Variants in TG observed in about 807,000 individuals in gnomAD.
TG encodes the protein thyroid hormones.
A neutral mutation model predicts 324.7 loss-of-function variants in TG; 270 were observed. That is an observed-to-expected ratio of 0.83 (90% CI 0.75 to 0.92). TG has a LOEUF of 0.92. Among genes scored for constraint, TG ranks in the 40% least tolerant of loss-of-function variants. The pLI is 0.00. For missense variants in TG, 3,591 were observed against 3,456.4 expected (o/e 1.04, Z -0.98); for synonymous variants, 1,401 against 1,327.0 (o/e 1.06, Z -1.21).
Position 132,919,527 on chromosome 8 carries a change from T to C in TG, c.4528+2T>C, listed in dbSNP as rs765709668. The C allele has an allele frequency of 1.9e-6, 3 of 1,613,738 alleles. No individual in the cohort carries two copies. Among genetic ancestry groups the C allele is most frequent in the East Asian group, 2.2e-5 (1 of 44,888 alleles). On this transcript the variant is annotated splice_donor_variant, in intron 21 of 47. Transcript: ENST00000220616. LOFTEE classifies it high-confidence loss of function. Reference sequence around the variant, plus strand: ...CTGGAGCTTTCAGCCAGACTCACTGTAAGTTCTGTGGAGTGCTTCTTTGAA... The same window carrying C: ...CTGGAGCTTTCAGCCAGACTCACTGCAAGTTCTGTGGAGTGCTTCTTTGAA...
At position 133,101,237 on chromosome 8, in the gene TG, A is replaced by C. The variant is rs1367742254; in HGVS notation, c.7572+4864A>C. Among the ~76,000 whole-genome samples the C allele has an allele frequency of 2.0e-5, 3 of 152,234 alleles. No homozygotes were observed. In the South Asian group the frequency reaches 6.2e-4, roughly 31 times the overall value. The stretch of plus-strand genomic sequence containing the variant: ...CCCACACAGAACTGCAAGAGGGCAC[A>C]GTGGACAACCAAGTGGAAACTGAGT... On this transcript the variant is annotated intron_variant, in intron 43 of 47. Transcript: ENST00000220616.
intron 39 of TG, 33 bp downstream of exon 39, chr8:133,019,728 G>T (rs1451453099): frequency 6.4e-7 from 1 of 1,572,196 alleles, no homozygotes; most frequent in Admixed American, 1.7e-5. Context: ...TGGTTGCCCT[G>T]AAGACTGTCC....
At chr8:133,078,824 G>A (rs894616689) in intron 41 of TG, among the ~76,000 whole-genome samples, 3 of 152,194 alleles carry the variant, frequency 2.0e-5, no homozygotes, top group Non-Finnish European at 2.9e-5. Flanking sequence ...GGACAGACGG[G>A]GAGAGAATTC....
chr8:132,939,587 T>G (rs1824121009), intron 25 of TG, among the ~76,000 whole-genome samples: 1 of 152,060 alleles, frequency 6.6e-6, no homozygotes, highest in Non-Finnish European at 1.5e-5. Context: ...TTTTTGGAGA[T>G]ACATAAAACA....
chr8:133,019,204 C>T (rs1835336485), intron 38 of TG, among the ~76,000 whole-genome samples: 1 of 152,210 alleles, frequency 6.6e-6, no homozygotes, highest in African/African-American at 2.4e-5. Context: ...CTCAAACCAG[C>T]ACTGTAGGAC....
At chr8:133,004,190 G>GT (rs75611646) in intron 35 of TG, among the ~76,000 whole-genome samples, 5 of 111,732 alleles carry the variant, frequency 4.5e-5, no homozygotes, top group Admixed American at 3.9e-4. Context: ...TCTCCTCCAA[G>GT]GCTTAGGGCC....
At chr8:133,002,058 C>G (rs1796220121) in intron 35 of TG, 9 of 985,288 alleles carry the variant, frequency 9.1e-6, no homozygotes, top group Non-Finnish European at 1.1e-5. Flanking sequence ...TCTTTTTATA[C>G]AATAAATGGG....
intron 35 of TG, chr8:133,001,971 A>C (rs968704847): frequency 3.0e-6 from 3 of 985,352 alleles, no homozygotes; most frequent in Admixed American, 6.1e-5. Flanking sequence ...TGCGGGAAGA[A>C]GGGTGAGGAT....
At chr8:132,882,686 T>A in intron 7 of TG, 74 bp downstream of exon 7, 3 of 1,612,794 alleles carry the variant, frequency 1.9e-6, no homozygotes, top group Non-Finnish European at 2.5e-6. Context: ...GTTGCTATGG[T>A]GTGTGTGGCT....
At chr8:132,967,707 C>A (rs897351765) in intron 30 of TG, 87 bp from the exon 31 acceptor site, 2 of 1,448,996 alleles carry the variant, frequency 1.4e-6, no homozygotes, top group Non-Finnish European at 1.9e-6. Context: ...CTCTACCAGG[C>A]ATTTCCCCAC....
chr8:133,012,125 C>T, intron 36 of TG, 90 bp downstream of exon 36: 1 of 1,566,026 alleles, frequency 6.4e-7, no homozygotes, highest in Non-Finnish European at 8.8e-7. Context: ...ACACATGAGA[C>T]ACTACGATAA....
intron 41 of TG, among the ~76,000 whole-genome samples, 195 bp downstream of exon 41, chr8:133,030,218 A>C (rs187537265): frequency 2.1e-4 from 32 of 151,988 alleles, no homozygotes; most frequent in Admixed American, 7.9e-4. Context: ...ACTTTTTTCC[A>C]CTCACGTCTG....
intron 41 of TG, among the ~76,000 whole-genome samples, chr8:133,091,849 G>A (rs1417085362): frequency 6.6e-6 from 1 of 152,064 alleles, no homozygotes; most frequent in Non-Finnish European, 1.5e-5. Flanking sequence ...GACCATGAGT[G>A]TCTGTGTGTG....
chr8:133,112,870 T>G (rs1032701615), intron 43 of TG, among the ~76,000 whole-genome samples: 10 of 152,192 alleles, frequency 6.6e-5, no homozygotes, highest in Admixed American at 6.5e-4. Flanking sequence ...ACAGGGAGCT[T>G]GATCGGCATG....
intron 41 of TG, among the ~76,000 whole-genome samples, chr8:133,041,185 G>T (rs546031268): frequency 1.3e-5 from 2 of 152,200 alleles, no homozygotes; most frequent in Non-Finnish European, 2.9e-5. Flanking sequence ...ACTGGCCTCC[G>T]GCAGGGCTAA....
intron 29 of TG, chr8:132,964,699 C>T (rs1587603661): frequency 1.7e-6 from 1 of 579,220 alleles, no homozygotes; most frequent in East Asian, 2.8e-5. Context: ...GAAGTGGCTA[C>T]AGTATTCATT....
chr8:133,102,445 T>C, intron 43 of TG: 3 of 930,060 alleles, frequency 3.2e-6, no homozygotes, highest in Non-Finnish European at 5.0e-6. Flanking sequence ...AGACGGAGGG[T>C]GGGTACAGGA....
chr8:132,900,208 T>G, intron 14 of TG, 29 bp from the exon 15 acceptor site: 1 of 1,606,440 alleles, frequency 6.2e-7, no homozygotes, highest in Non-Finnish European at 8.5e-7. Context: ...TTGCCCACAG[T>G]GACTGACATG....
intron 35 of TG, chr8:132,988,884 G>A (rs1831951226): frequency 1.0e-6 from 1 of 985,228 alleles, no homozygotes; most frequent in Admixed American, 6.2e-5. Flanking sequence ...TTTCAGAAAT[G>A]TTTCTCTTAG....
Sources: allele counts gnomAD v4.1 joint callset (sites outside exome capture counted in the v4.1 genomes callset), GRCh38; gene constraint gnomAD v4.1.1; transcripts MANE v1.5; gene names NCBI Gene and HGNC (gene_info 2026-07-23, HGNC 2026-07-21).